FSTL5: variants seen among roughly 807,000 people sequenced by gnomAD.
FSTL5 encodes the protein follistatin like 5.
A neutral mutation model predicts 89.1 loss-of-function variants in FSTL5; 62 were observed. The observed-to-expected ratio is 0.70, with a 90% confidence interval of 0.57 to 0.86. The LOEUF (loss-of-function observed/expected upper bound fraction) is 0.86. Ranked by LOEUF, FSTL5 falls within the 40% of genes least tolerant of loss-of-function variation. The probability of loss-of-function intolerance (pLI) is 0.00; values close to 1 mark genes in which losing one functional copy is unlikely to be tolerated. For synonymous variants in FSTL5, 383 were observed against 346.2 expected (o/e 1.11, Z -1.18); for missense variants, 1,057 against 1,001.6 (o/e 1.06, Z -0.75).
At chr4:161,749,468 G>C (rs1179821454) in intron 6 of FSTL5, among the ~76,000 whole-genome samples, 2 of 152,166 alleles carry the variant, frequency 1.3e-5, no homozygotes, top group East Asian at 3.9e-4. Context: ...TCATTTATAA[G>C]TGAGAGCTAA....
chr4:161,784,895 A>AAAAAAAACAAAAGACAAAAAC (rs1553965825), intron 4 of FSTL5, among the ~76,000 whole-genome samples: 1 of 141,964 alleles, frequency 7.0e-6, no homozygotes, highest in Non-Finnish European at 1.5e-5. Flanking sequence ...TCCGTCTCAA[A>AAAAAAAACAAAAGACAAAAAC]AAAAACAAAA....
At chr4:161,752,942 C>T (rs1017746040) in intron 6 of FSTL5, among the ~76,000 whole-genome samples, 1 of 152,178 alleles carries the variant, frequency 6.6e-6, no homozygotes, top group African/African-American at 2.4e-5. Context: ...AGACAGCCCT[C>T]ACCAGACACT....
intron 15 of FSTL5, among the ~76,000 whole-genome samples, 153 bp downstream of exon 15, chr4:161,454,847 TAAAC>T (rs774601561): frequency 7.8e-4 from 119 of 152,366 alleles, no homozygotes; most frequent in Middle Eastern, 6.8e-3. Flanking sequence ...CTAGTGTTGA[TAAAC>T]AAAGGTTCAG....
intron 12 of FSTL5, among the ~76,000 whole-genome samples, chr4:161,498,495 G>C (rs906577304): frequency 6.6e-6 from 1 of 152,028 alleles, no homozygotes; most frequent in African/African-American, 2.4e-5. Context: ...CTCTAAATTT[G>C]CAAATCAGAT....
chr4:161,717,157 C>T (rs1359656155), intron 6 of FSTL5, among the ~76,000 whole-genome samples: 3 of 152,068 alleles, frequency 2.0e-5, no homozygotes, highest in Non-Finnish European at 2.9e-5. Flanking sequence ...ACCCAAATGC[C>T]CTTAATTCAA....
intron 6 of FSTL5, among the ~76,000 whole-genome samples, chr4:161,705,056 CT>C: frequency 6.6e-6 from 1 of 151,844 alleles, no homozygotes; most frequent in East Asian, 1.9e-4. Flanking sequence ...ATTTATGTCT[CT>C]ATTTATAATA....
chr4:161,762,771 T>G (rs566264828), intron 5 of FSTL5, among the ~76,000 whole-genome samples: 7 of 152,120 alleles, frequency 4.6e-5, no homozygotes, highest in Admixed American at 4.6e-4. Context: ...CCTCAAGGAG[T>G]CTGGTAGCCT....
intron 10 of FSTL5, among the ~76,000 whole-genome samples, chr4:161,531,420 C>CTTTGTTGTG (rs1397282573): frequency 7.2e-5 from 11 of 152,144 alleles, no homozygotes; most frequent in Non-Finnish European, 1.6e-4. Context: ...CAAAGTGAGT[C>CTTTGTTGTG]TTTGTTGTGT....
intron 4 of FSTL5, among the ~76,000 whole-genome samples, chr4:161,905,662 C>T (rs910855119): frequency 5.3e-5 from 8 of 152,092 alleles, no homozygotes; most frequent in African/African-American, 1.2e-4. Context: ...AAGGAAACTG[C>T]GAATTAGACC....
chr4:161,417,257 A>G (rs1040162344), intron 15 of FSTL5, among the ~76,000 whole-genome samples: 1 of 152,226 alleles, frequency 6.6e-6, no homozygotes, highest in Non-Finnish European at 1.5e-5. Flanking sequence ...TAGATATTTA[A>G]CTGTTTTTGT....
At chr4:161,489,218 C>T (rs1360908639) in intron 12 of FSTL5, among the ~76,000 whole-genome samples, 1 of 151,988 alleles carries the variant, frequency 6.6e-6, no homozygotes, top group African/African-American at 2.4e-5. Flanking sequence ...GCTTTCCTGG[C>T]TTTTACAGTT....
At chr4:161,734,421 T>A (rs1448121446) in intron 6 of FSTL5, among the ~76,000 whole-genome samples, 2 of 152,180 alleles carry the variant, frequency 1.3e-5, no homozygotes, top group Admixed American at 1.3e-4. Flanking sequence ...TGTAATCAAG[T>A]TTCACTGGCT....
intron 3 of FSTL5, among the ~76,000 whole-genome samples, chr4:161,938,514 T>C (rs528251718): frequency 1.4e-4 from 22 of 152,170 alleles, no homozygotes; most frequent in Middle Eastern, 3.4e-3. Flanking sequence ...ATTGTTTCTA[T>C]GAGAAATATT....
intron 13 of FSTL5, among the ~76,000 whole-genome samples, chr4:161,465,830 T>G (rs1240312767): frequency 6.6e-6 from 1 of 152,240 alleles, no homozygotes; most frequent in Non-Finnish European, 1.5e-5. Flanking sequence ...GTTCACACTG[T>G]AGCCTTTGCT....
chr4:161,500,389 A>G (rs74894783), intron 11 of FSTL5, among the ~76,000 whole-genome samples: 9,345 of 152,214 alleles, frequency 0.061, 907 homozygotes, highest in African/African-American at 0.21. Context: ...TCATAGTTTA[A>G]AACAGTTATA....
At chr4:161,970,180 C>G (rs567782687) in intron 3 of FSTL5, among the ~76,000 whole-genome samples, 3 of 151,958 alleles carry the variant, frequency 2.0e-5, no homozygotes, top group African/African-American at 7.2e-5. Flanking sequence ...TCAAAATAGT[C>G]CAGATGAAGG....
chr4:161,516,636 T>C (rs892480363), intron 10 of FSTL5, among the ~76,000 whole-genome samples: 17 of 123,798 alleles, frequency 1.4e-4, no homozygotes, highest in African/African-American at 4.8e-4. Flanking sequence ...TATAATAAAT[T>C]ATATATTTTA....
At chr4:162,090,805 C>A (rs1730520687) in intron 2 of FSTL5, among the ~76,000 whole-genome samples, 1 of 151,556 alleles carries the variant, frequency 6.6e-6, no homozygotes, top group South Asian at 2.1e-4. Context: ...AGCAACAGAG[C>A]CAGAAACACA....
chr4:161,394,081 C>T (rs1273567181), intron 15 of FSTL5, among the ~76,000 whole-genome samples: 1 of 151,996 alleles, frequency 6.6e-6, no homozygotes, highest in Non-Finnish European at 1.5e-5. Flanking sequence ...GAGGACGTGA[C>T]ATGTATATTT....
Sources: allele counts gnomAD v4.1 joint callset (sites outside exome capture counted in the v4.1 genomes callset), GRCh38; gene constraint gnomAD v4.1.1; transcripts MANE v1.5; gene names NCBI Gene and HGNC (gene_info 2026-07-23, HGNC 2026-07-21).